GPR63: variants seen among roughly 807,000 people sequenced by gnomAD.
The protein encoded by GPR63 is probable G protein-coupled receptor 63.
GPR63 carries 12 observed loss-of-function variants against 23.1 expected under a neutral mutation model. The observed-to-expected ratio is 0.52, with a 90% confidence interval of 0.33 to 0.84. The LOEUF (loss-of-function observed/expected upper bound fraction) is 0.84. Ranked by LOEUF, GPR63 falls within the 40% of genes least tolerant of loss-of-function variation. The pLI is 0.02. For missense variants in GPR63, 472 were observed against 515.6 expected (o/e 0.92, Z 0.82); for synonymous variants, 172 against 191.1 (o/e 0.90, Z 0.82).
rs1366429909 is a variant in GPR63 at position 96,796,662 on chromosome 6, T to G, written c.*1810A>C. On this transcript the variant is annotated 3_prime_UTR_variant, in exon 2 of 2. Coordinates refer to ENST00000229955, the MANE Select transcript of GPR63 (RefSeq NM_030784.4). ...CCCTTCTTTGTAGGAGACACACATC[T>G]GAGCACGTTCACAAACTCCAGCTCT... is the stretch of plus-strand genomic sequence containing the variant. 1 of 152,228 alleles carries G rather than the reference T, an allele frequency of 6.6e-6. No individual in the cohort carries two copies. The highest frequency in any genetic ancestry group is 2.4e-5 in the African/African-American group (1 of 41,468). The allele number at this position is 152,228 out of a possible 1,614,324, so 9.4% of individuals were successfully genotyped here.
chr6:96,811,460 T>C (rs1407558323), intron 1 of GPR63, among the ~76,000 whole-genome samples: 1 of 152,234 alleles, frequency 6.6e-6, no homozygotes, highest in Non-Finnish European at 1.5e-5. Flanking sequence ...TGTGACATTA[T>C]GGAGCATCTC....
At chr6:96,827,195 G>C (rs2127959246) in intron 1 of GPR63, among the ~76,000 whole-genome samples, 1 of 152,046 alleles carries the variant, frequency 6.6e-6, no homozygotes, top group Non-Finnish European at 1.5e-5. Flanking sequence ...TAAATGGTTA[G>C]AATTATGACC....
intron 1 of GPR63, among the ~76,000 whole-genome samples, chr6:96,835,315 T>C (rs924807684): frequency 1.3e-5 from 2 of 152,162 alleles, no homozygotes; most frequent in Admixed American, 6.5e-5. Context: ...ATGTTTTTTA[T>C]ATACTCAATA....
Position 96,795,933 on chromosome 6 carries a change from A to C in GPR63, c.*2539T>G, listed in dbSNP as rs1335965400. ...CTATAAAATCCCTATGGACAAAAAC[A>C]ATTTTACCTGTGAATAAAAATTAGA... is the stretch of plus-strand genomic sequence containing the variant. On this transcript the variant is annotated 3_prime_UTR_variant, in exon 2 of 2. Transcript: ENST00000229955. 1 of 152,214 alleles carries C rather than the reference A, an allele frequency of 6.6e-6. No individual in the cohort carries two copies. Among genetic ancestry groups the C allele is most frequent in the Admixed American group, 6.5e-5 (1 of 15,282 alleles). 9.4% of individuals were successfully genotyped at this position (152,214 alleles called of 1,614,324 possible).
chr6:96,798,716 A>T lies in GPR63; in HGVS notation c.1016T>A (p.Phe339Tyr), dbSNP rs887098332. ...PFTTYSLVAT[F>Y]SKHFYYQHNF... is the part of the protein sequence containing the mutation. ...GTGCTGATAGTAAAAGTGCTTACTG[A>T]ATGTTGCCACAAGGCTGTAAGTGGT... The change falls in exon 2 of 2, where the codon TTC (phenylalanine) becomes TAC (tyrosine). Residue 339 changes from phenylalanine (F) to tyrosine (Y), a missense_variant. Transcript: ENST00000229955. 6.2e-7 allele frequency: 1 copy of T among 1,614,196 alleles called. No homozygotes were observed. Among genetic ancestry groups the T allele is most frequent in the Non-Finnish European group, 8.5e-7 (1 of 1,180,030 alleles).
intron 1 of GPR63, among the ~76,000 whole-genome samples, chr6:96,800,894 T>C (rs369765949): frequency 6.6e-6 from 1 of 152,340 alleles, no homozygotes; most frequent in East Asian, 1.9e-4. Flanking sequence ...TACAAACATA[T>C]TTAGTTAGCT....
chr6:96,818,334 G>A (rs374981306), intron 1 of GPR63, among the ~76,000 whole-genome samples: 2 of 151,946 alleles, frequency 1.3e-5, no homozygotes, highest in African/African-American at 2.4e-5. Flanking sequence ...GTGGTAGTTC[G>A]TGTCTGTAAT....
intron 1 of GPR63, among the ~76,000 whole-genome samples, chr6:96,835,363 T>C (rs1328688685): frequency 6.6e-6 from 1 of 152,150 alleles, no homozygotes; most frequent in African/African-American, 2.4e-5. Flanking sequence ...ATACTATATA[T>C]AGTATGGATA....
rs983281833 is a variant in GPR63 at position 96,796,406 on chromosome 6, A to G, written c.*2066T>C. The G allele has an allele frequency of 5.0e-4, 76 of 152,310 alleles. No individual in the cohort carries two copies. The highest frequency in any genetic ancestry group is 1.8e-3 in the African/African-American group (73 of 41,566). The allele number at this position is 152,310 out of a possible 1,614,324, so 9.4% of individuals were successfully genotyped here. On this transcript the variant is annotated 3_prime_UTR_variant, in exon 2 of 2. Coordinates refer to ENST00000229955, the MANE Select transcript of GPR63 (RefSeq NM_030784.4). ...CACAAAACACTAACATCCTGAAAAG[A>G]TGCTATAAATCCACAGTTAACTTAC... is the stretch of plus-strand genomic sequence containing the variant.
At chr6:96,808,174 T>G (rs1476448853) in intron 1 of GPR63, among the ~76,000 whole-genome samples, 1 of 151,888 alleles carries the variant, frequency 6.6e-6, no homozygotes, top group African/African-American at 2.4e-5. Context: ...ATCAGGATTA[T>G]ATCTATATTT....
Position 96,799,665 on chromosome 6 carries a change from C to T in GPR63, c.67G>A (p.Glu23Lys). The T allele has an allele frequency of 6.2e-7, 1 of 1,614,122 alleles. No homozygotes were observed. Among genetic ancestry groups the T allele is most frequent in the Non-Finnish European group, 8.5e-7 (1 of 1,180,016 alleles). ...AGTGTAATATTCATGTAGGTGTTTT[C>T]ATACACGACAAATGTTGTGTTGGAT... The part of the protein sequence containing the change: ...GTSNTTFVVY[E>K]NTYMNITLPP... Residue 23 changes from glutamate to lysine, a missense_variant, in exon 2 of 2, where the codon GAA becomes AAA. Transcript: ENST00000229955.
At chr6:96,812,543 T>C (rs1774069501) in intron 1 of GPR63, among the ~76,000 whole-genome samples, 1 of 152,138 alleles carries the variant, frequency 6.6e-6, no homozygotes, top group Non-Finnish European at 1.5e-5. Context: ...CAGCATTTAA[T>C]AGAAGTGCAA....
intron 1 of GPR63, among the ~76,000 whole-genome samples, chr6:96,833,006 G>T (rs1436941570): frequency 1.3e-5 from 2 of 152,140 alleles, no homozygotes; most frequent in Non-Finnish European, 2.9e-5. Flanking sequence ...CTGAAGAAGT[G>T]CTGAGTAGGA....
Position 96,798,973 on chromosome 6 carries a change from T to A in GPR63, c.759A>T (p.Ile253=). 2 of 1,613,826 alleles carry A rather than the reference T, an allele frequency of 1.2e-6. No individual in the cohort carries two copies. Among genetic ancestry groups the A allele is most frequent in the Non-Finnish European group, 1.7e-6 (2 of 1,179,948 alleles). ...VILISLISFF[I]PFLVILYSFM... is the part of the protein sequence containing the mutation. ...ATGAGTACAGTATTACCAGGAAGGG[T>A]ATGAAGAAAGAAATGAGAGAAATCA... The change falls in exon 2 of 2, where the codon ATA becomes ATT. Residue 253 remains isoleucine (I), a synonymous_variant. Coordinates refer to ENST00000229955, the MANE Select transcript of GPR63 (RefSeq NM_030784.4).
At chr6:96,805,409 T>C (rs1315404040) in intron 1 of GPR63, among the ~76,000 whole-genome samples, 1 of 152,148 alleles carries the variant, frequency 6.6e-6, no homozygotes, top group African/African-American at 2.4e-5. Context: ...ATGACTCAAA[T>C]ACCTCTAACC....
In GPR63 at chr6:96,798,898, G is replaced by T. The variant is rs767622493; in HGVS notation, c.834C>A (p.Ser278Arg). Residue 278 changes from serine to arginine, a missense_variant, in exon 2 of 2, where the codon AGC (serine) becomes AGA (arginine). Transcript: ENST00000229955. Reference protein sequence around the residue: ...TLRHNALRIHSYPEGICLSQA... With the variant: ...TLRHNALRIHRYPEGICLSQA... ...GGCTGAGGCATATACCTTCAGGGTAGCTATGGATCCTCAAGGCATTGTGCC... is the reference window on the plus strand; with the variant it reads ...GGCTGAGGCATATACCTTCAGGGTATCTATGGATCCTCAAGGCATTGTGCC... The T allele has an allele frequency of 6.2e-7, 1 of 1,614,198 alleles. No homozygotes were observed. Among genetic ancestry groups the T allele is most frequent in the South Asian group, 1.1e-5 (1 of 91,080 alleles).
intron 1 of GPR63, among the ~76,000 whole-genome samples, chr6:96,836,846 G>T (rs1380406171): frequency 6.6e-6 from 1 of 152,084 alleles, no homozygotes; most frequent in African/African-American, 2.4e-5. Context: ...CGAGACCACC[G>T]TGTAAAAGTT....
At chr6:96,836,913 G>T (rs1774745097) in intron 1 of GPR63, among the ~76,000 whole-genome samples, 1 of 151,880 alleles carries the variant, frequency 6.6e-6, no homozygotes, top group African/African-American at 2.4e-5. Flanking sequence ...AACCAGAACA[G>T]CCCAGCAGGA....
In GPR63 at chr6:96,822,334, T is replaced by C. The variant is rs180899332; in HGVS notation, c.-151+14934A>G. Among the ~76,000 whole-genome samples the C allele has an allele frequency of 5.3e-5, 8 of 152,236 alleles. No homozygotes were observed. In the East Asian group the frequency reaches 1.5e-3, roughly 29 times the overall value. On this transcript the variant is annotated intron_variant, in intron 1 of 1. Coordinates refer to ENST00000229955, the MANE Select transcript of GPR63 (RefSeq NM_030784.4). ...CTGTTTTGACCTTGATTCACTGCTA[T>C]GATCAAAATAATTATGGTTAACTTG...
Sources: gnomAD v4.1 joint callset for allele counts (sites outside exome capture counted in the v4.1 genomes callset) on GRCh38, gnomAD v4.1.1 for gene constraint, MANE v1.5 for transcripts, NCBI Gene and HGNC (gene_info 2026-07-23, HGNC 2026-07-21) for gene names.